The following SDK1 variants were observed in gnomAD, a reference collection of about 807,000 sequenced individuals.
SDK1 encodes protein sidekick-1.
A neutral mutation model predicts 245.5 loss-of-function variants in SDK1; 157 were observed. The ratio of observed to expected loss-of-function variants is 0.64; its 90% CI spans 0.56 to 0.73. SDK1 has a LOEUF of 0.73. SDK1 is among the 30% of genes least tolerant of loss of function. SDK1 has a pLI of 0.00. For missense variants in SDK1, 3,583 were observed against 3,002.3 expected, an observed-to-expected ratio of 1.19 and a Z score of -4.52; for synonymous variants, 1,647 against 1,278.5, an observed-to-expected ratio of 1.29 and a Z score of -6.15.
chr7:4,164,876 G>A (rs1342965938), intron 32 of SDK1, among the ~76,000 whole-genome samples: 6 of 152,190 alleles, frequency 3.9e-5, no homozygotes, highest in Admixed American at 3.9e-4. Context: ...GCAGGAGGTG[G>A]TCAATACAAC....
At chr7:3,343,932 A>G (rs748446340) in intron 1 of SDK1, among the ~76,000 whole-genome samples, 10 of 152,010 alleles carry the variant, frequency 6.6e-5, no homozygotes, top group African/African-American at 2.2e-4. Flanking sequence ...CATATTACGG[A>G]CATATTATTG....
At chr7:3,486,446 C>T (rs911816571) in intron 1 of SDK1, among the ~76,000 whole-genome samples, 2 of 151,744 alleles carry the variant, frequency 1.3e-5, no homozygotes, top group Non-Finnish European at 2.9e-5. Flanking sequence ...TTCTACTTTC[C>T]TGTTTGGTTT....
intron 26 of SDK1, 124 bp downstream of exon 26, chr7:4,127,620 G>C: frequency 1.4e-6 from 1 of 698,140 alleles, no homozygotes; most frequent in South Asian, 1.7e-5. Context: ...CAGCCAGTTT[G>C]TGATTTTTAT....
chr7:4,037,108 T>G (rs917041902), intron 17 of SDK1, among the ~76,000 whole-genome samples: 1 of 152,224 alleles, frequency 6.6e-6, no homozygotes, highest in Non-Finnish European at 1.5e-5. Context: ...CAAAACTCTT[T>G]GGACAGCCAA....
chr7:3,519,980 G>A (rs1782880100), intron 1 of SDK1, among the ~76,000 whole-genome samples: 1 of 152,132 alleles, frequency 6.6e-6, no homozygotes, highest in Non-Finnish European at 1.5e-5. Flanking sequence ...TTTTATTTGT[G>A]CATATGTTTT....
At chr7:4,115,639 G>A (rs575278427) in intron 25 of SDK1, among the ~76,000 whole-genome samples, 10 of 152,240 alleles carry the variant, frequency 6.6e-5, no homozygotes, top group East Asian at 1.9e-4. Flanking sequence ...GCACAGAATC[G>A]CTCTTGAAGC....
At chr7:4,158,618 C>T (rs1163096467) in intron 31 of SDK1, 67 bp downstream of exon 31, 11 of 1,202,258 alleles carry the variant, frequency 9.1e-6, no homozygotes, top group Non-Finnish European at 2.4e-6. Context: ...ACTTAGGCCA[C>T]ACTTTCGTCT....
At chr7:3,492,602 A>C (rs1223311561) in intron 1 of SDK1, among the ~76,000 whole-genome samples, 1 of 152,246 alleles carries the variant, frequency 6.6e-6, no homozygotes, top group Non-Finnish European at 1.5e-5. Flanking sequence ...GCAGTTCTTC[A>C]GTGTTCCTGT....
intron 38 of SDK1, among the ~76,000 whole-genome samples, chr7:4,214,003 C>A (rs1415418742): frequency 2.0e-5 from 3 of 152,200 alleles, no homozygotes; most frequent in Non-Finnish European, 4.4e-5. Flanking sequence ...CAGCACTTAA[C>A]ATCCGCTATC....
At chr7:3,396,034 G>C (rs966232449) in intron 1 of SDK1, among the ~76,000 whole-genome samples, 2 of 151,482 alleles carry the variant, frequency 1.3e-5, no homozygotes, top group Non-Finnish European at 3.0e-5. Flanking sequence ...ACATTTTAAA[G>C]GTGAATTCTT....
chr7:3,359,980 A>G lies in SDK1; in HGVS notation c.298+58096A>G, dbSNP rs188689077. Among the ~76,000 whole-genome samples, 75 of 152,304 alleles carry G rather than the reference A, an allele frequency of 4.9e-4. 1 individual carries two copies. The highest frequency in any genetic ancestry group is 3.9e-3 in the Admixed American group (60 of 15,310). The stretch of plus-strand genomic sequence containing the variant: ...CAGCAACAGACACACTCACAAAGAA[A>G]GTTTGTAAGCAAAATATTACAACAC... On this transcript the variant is annotated intron_variant, in intron 1 of 44. Transcript: ENST00000404826.
chr7:3,752,928 A>G lies in SDK1; in HGVS notation c.714-68522A>G, dbSNP rs139654703. ...AATAAGTATGTCAAATTTATTTTCT[A>G]TCTAAATTTTGTTGTTATCTCAGTC... On this transcript the variant is annotated intron_variant, in intron 4 of 44. Coordinates refer to ENST00000404826, the MANE Select transcript of SDK1 (RefSeq NM_152744.4). Among the ~76,000 whole-genome samples, 13 of 152,312 alleles carry G rather than the reference A, an allele frequency of 8.5e-5. No homozygotes were observed. In the East Asian group the frequency reaches 2.5e-3, roughly 29 times the overall value.
chr7:3,576,073 A>C (rs1780279583), intron 1 of SDK1, among the ~76,000 whole-genome samples: 1 of 152,100 alleles, frequency 6.6e-6, no homozygotes, highest in African/African-American at 2.4e-5. Flanking sequence ...CACAAACCTG[A>C]CTTTACATTT....
intron 1 of SDK1, among the ~76,000 whole-genome samples, chr7:3,313,431 G>T (rs1463611335): frequency 3.3e-5 from 5 of 151,674 alleles, no homozygotes; most frequent in African/African-American, 1.2e-4. Flanking sequence ...AAAGGTTGTA[G>T]ATAAAAAACA....
chr7:3,861,141 C>G (rs574454720), intron 5 of SDK1, among the ~76,000 whole-genome samples: 10 of 152,266 alleles, frequency 6.6e-5, no homozygotes, highest in African/African-American at 2.4e-4. Flanking sequence ...GGGAGACACG[C>G]GTAAGGGTGT....
intron 1 of SDK1, among the ~76,000 whole-genome samples, chr7:3,524,247 G>A (rs1783042683): frequency 6.6e-6 from 1 of 152,154 alleles, no homozygotes; most frequent in Non-Finnish European, 1.5e-5. Context: ...ACATTATTTG[G>A]AGTCAGATGA....
rs572659449 is a variant in SDK1 at position 3,662,041 on chromosome 7, ATTTT to A, written c.713+19956_713+19959del. On this transcript the variant is annotated intron_variant, in intron 4 of 44. Coordinates refer to ENST00000404826, the MANE Select transcript of SDK1 (RefSeq NM_152744.4). ...AAATAGAGGAAGAGGCAACGGTTGT[ATTTT>A]TTTTTTTTTTTTTTTTTTTGGTGTT... Among the ~76,000 whole-genome samples, 155 of 125,740 alleles carry A rather than the reference ATTTT, an allele frequency of 1.2e-3. 1 individual carries two copies. The highest frequency in any genetic ancestry group is 4.7e-3 in the African/African-American group (148 of 31,676). The allele number at this position is 125,740 out of a possible 152,430, so 82.5% of individuals were successfully genotyped here. A position where few individuals can be genotyped will look rare whatever the true frequency, so the allele number is the denominator to read the frequency against.
At chr7:4,111,328 T>C (rs938655461) in intron 23 of SDK1, among the ~76,000 whole-genome samples, 1 of 152,136 alleles carries the variant, frequency 6.6e-6, no homozygotes. Flanking sequence ...CTGTGATCAC[T>C]TCCCGTAAGG....
intron 28 of SDK1, among the ~76,000 whole-genome samples, chr7:4,137,021 G>A (rs1415041809): frequency 1.3e-5 from 2 of 152,238 alleles, no homozygotes; most frequent in Admixed American, 6.5e-5. Context: ...TCGGCAGCAC[G>A]TGCCCCAGAT....
Sources: allele counts gnomAD v4.1 joint callset (sites outside exome capture counted in the v4.1 genomes callset), GRCh38; gene constraint gnomAD v4.1.1; transcripts MANE v1.5; gene names NCBI Gene and HGNC (gene_info 2026-07-23, HGNC 2026-07-21).